AGBL4: variants seen among roughly 807,000 people sequenced by gnomAD.
AGBL4 encodes AGBL carboxypeptidase 4, also known as cytosolic carboxypeptidase 6.
Under a neutral mutation model 66.4 loss-of-function variants are expected in AGBL4, and 58 were observed. The observed-to-expected ratio is 0.87, with a 90% CI of 0.71 to 1.09. The LOEUF (loss-of-function observed/expected upper bound fraction) is 1.09, where lower values mean the gene tolerates loss of function less well. AGBL4 is among the 50% of genes least tolerant of loss of function. AGBL4 has a pLI of 0.00. For synonymous variants in AGBL4, 234 were observed against 222.9 expected, an observed-to-expected ratio of 1.05 and a Z score of -0.44; for missense variants, 579 against 631.0, an observed-to-expected ratio of 0.92 and a Z score of 0.88.
chr1:48,975,026 A>C (rs1487306816), intron 5 of AGBL4, among the ~76,000 whole-genome samples: 1 of 152,090 alleles, frequency 6.6e-6, no homozygotes, highest in Non-Finnish European at 1.5e-5. Flanking sequence ...CAATATTATA[A>C]GGAGGAAGTT....
intron 1 of AGBL4, among the ~76,000 whole-genome samples, chr1:49,999,990 C>T (rs1369380391): frequency 6.6e-6 from 1 of 152,070 alleles, no homozygotes; most frequent in Non-Finnish European, 1.5e-5. Context: ...ATCAGAAAAA[C>T]CCTTCTAGAC....
Position 48,695,663 on chromosome 1 carries a change from G to T in AGBL4, c.635-32422C>A, listed in dbSNP as rs1294767278. The stretch of plus-strand genomic sequence containing the variant: ...TGTCAGAAAGGTGGCTGGTACAGGG[G>T]AGCAGTGCTGGAATGGGAGTTTGAA... On this transcript the variant is annotated intron_variant, in intron 6 of 13. Transcript: ENST00000371839. Among the ~76,000 whole-genome samples, 3 of 152,272 alleles carry T rather than the reference G, an allele frequency of 2.0e-5. No homozygotes were observed. In the East Asian group the frequency reaches 5.8e-4, roughly 29 times the overall value.
chr1:49,709,018 G>T (rs1647425259), intron 2 of AGBL4, among the ~76,000 whole-genome samples: 1 of 152,178 alleles, frequency 6.6e-6, no homozygotes, highest in African/African-American at 2.4e-5. Context: ...TGTCTCTCAT[G>T]CAGGAGGCAC....
chr1:48,928,337 C>T lies in AGBL4; in HGVS notation c.595-61107G>A, dbSNP rs1654762068. On this transcript the variant is annotated intron_variant, in intron 5 of 13. Coordinates refer to ENST00000371839, the MANE Select transcript of AGBL4 (RefSeq NM_032785.4). Reference sequence around the variant, plus strand: ...TTCAACTGGAATCTTAGCACAGGTGCTGTGAGACAGAATCTGACTGTTCTG... The same window carrying T: ...TTCAACTGGAATCTTAGCACAGGTGTTGTGAGACAGAATCTGACTGTTCTG... Among the ~76,000 whole-genome samples, 3 of 152,190 alleles carry T rather than the reference C, an allele frequency of 2.0e-5. No homozygotes were observed. The South Asian group carries it at 6.2e-4, about 31-fold the overall frequency.
intron 2 of AGBL4, among the ~76,000 whole-genome samples, chr1:49,720,039 C>T (rs1648476896): frequency 6.6e-6 from 1 of 152,052 alleles, no homozygotes; most frequent in Non-Finnish European, 1.5e-5. Flanking sequence ...TAAGAATGGA[C>T]TAATACAGAC....
chr1:49,806,089 A>G (rs534975855), intron 2 of AGBL4, among the ~76,000 whole-genome samples: 2 of 152,334 alleles, frequency 1.3e-5, no homozygotes, highest in African/African-American at 2.4e-5. Flanking sequence ...GTGTGCTAGA[A>G]AAAGCCTACA....
chr1:49,206,752 AT>A (rs1273681102), intron 4 of AGBL4, among the ~76,000 whole-genome samples: 13 of 152,070 alleles, frequency 8.5e-5, no homozygotes, highest in Admixed American at 4.6e-4. Context: ...AGGCCAGTAC[AT>A]TCTGGAAAGA....
chr1:49,266,412 CTT>C (rs952456060), intron 3 of AGBL4, among the ~76,000 whole-genome samples: 5 of 152,042 alleles, frequency 3.3e-5, no homozygotes, highest in African/African-American at 1.2e-4. Flanking sequence ...AAAAGCCTCT[CTT>C]TTCCTCAATC....
intron 6 of AGBL4, among the ~76,000 whole-genome samples, chr1:48,665,011 C>T (rs320014): frequency 0.52 from 78,956 of 152,056 alleles, 21,498 homozygotes; most frequent in Middle Eastern, 0.65. Context: ...GGTTCTTTAT[C>T]CCAACAGTCA....
intron 4 of AGBL4, among the ~76,000 whole-genome samples, chr1:49,121,093 A>C (rs1274407488): frequency 6.6e-6 from 1 of 151,984 alleles, no homozygotes; most frequent in Non-Finnish European, 1.5e-5. Context: ...GTTTATTCTA[A>C]TTAGCCATTT....
Position 48,867,207 on chromosome 1 carries a change from C to T in AGBL4, c.618G>A (p.Leu206=), listed in dbSNP as rs1400788946. 5.0e-6 allele frequency: 8 copies of T among 1,613,492 alleles called. No individual in the cohort carries two copies. The highest frequency in any genetic ancestry group is 6.8e-6 in the Non-Finnish European group (8 of 1,179,776). Residue 206 remains leucine, a synonymous_variant, in exon 6 of 14, where the codon CTG becomes CTA. Coordinates refer to ENST00000371839, the MANE Select transcript of AGBL4 (RefSeq NM_032785.4). ...CCTACTCACCAGGGCTGGTTATCGT[C>T]AGGAGGTCAAGCTTTCGTTGTTGCT... ...QSVQQRKLDL[L]TITSPDNLRE...
At chr1:49,411,352 C>T (rs1645310141) in intron 3 of AGBL4, among the ~76,000 whole-genome samples, 1 of 152,190 alleles carries the variant, frequency 6.6e-6, no homozygotes, top group African/African-American at 2.4e-5. Flanking sequence ...GGCACACTGA[C>T]AGCTGATTGG....
At chr1:49,118,769 A>G (rs546429603) in intron 4 of AGBL4, among the ~76,000 whole-genome samples, 1 of 152,200 alleles carries the variant, frequency 6.6e-6, no homozygotes, top group African/African-American at 2.4e-5. Flanking sequence ...TTCAGATGGA[A>G]TGGTACCAGC....
intron 5 of AGBL4, among the ~76,000 whole-genome samples, chr1:48,915,434 T>G (rs576507678): frequency 6.6e-6 from 1 of 152,330 alleles, no homozygotes; most frequent in East Asian, 1.9e-4. Context: ...TCCCCACTCC[T>G]GTAGCACAGA....
At chr1:49,243,017 T>G (rs1027707104) in intron 4 of AGBL4, among the ~76,000 whole-genome samples, 2 of 148,328 alleles carry the variant, frequency 1.3e-5, no homozygotes, top group African/African-American at 4.9e-5. Context: ...TTCCCAATTT[T>G]TATACATATA....
At chr1:48,796,256 A>C (rs1209964222) in intron 6 of AGBL4, among the ~76,000 whole-genome samples, 1 of 152,216 alleles carries the variant, frequency 6.6e-6, no homozygotes, top group Non-Finnish European at 1.5e-5. Flanking sequence ...AGCACCCAAC[A>C]CTTCTTCTCT....
chr1:49,749,625 T>C (rs1420971451), intron 2 of AGBL4, among the ~76,000 whole-genome samples: 1 of 152,006 alleles, frequency 6.6e-6, no homozygotes, highest in East Asian at 1.9e-4. Flanking sequence ...CATCAAAAAA[T>C]TAGAAATAAG....
chr1:49,495,556 A>C lies in AGBL4; in HGVS notation c.282+201757T>G, dbSNP rs538659724. The stretch of plus-strand genomic sequence containing the variant: ...TGATTTCAGAAGGAACAAAAAAAAA[A>C]ACCAGGTTTGGAGAACCTGATGTGA... On this transcript the variant is annotated intron_variant, in intron 3 of 13. Coordinates refer to ENST00000371839, the MANE Select transcript of AGBL4 (RefSeq NM_032785.4). Among the ~76,000 whole-genome samples the C allele has an allele frequency of 7.2e-5, 11 of 152,110 alleles. No individual in the cohort carries two copies. In the South Asian group the frequency reaches 2.3e-3, roughly 32 times the overall value.
intron 2 of AGBL4, among the ~76,000 whole-genome samples, chr1:49,707,367 C>CTT (rs34368394): frequency 6.4e-4 from 49 of 76,208 alleles, no homozygotes; most frequent in South Asian, 5.8e-3. Flanking sequence ...GCAACCCCTG[C>CTT]TTTTTTTTTT....
Sources: allele counts gnomAD v4.1 joint callset (sites outside exome capture counted in the v4.1 genomes callset), GRCh38; gene constraint gnomAD v4.1.1; transcripts MANE v1.5; gene names NCBI Gene and HGNC (gene_info 2026-07-23, HGNC 2026-07-21).